Variants in PCDH11X observed in about 807,000 individuals in gnomAD.
PCDH11X encodes the protein protocadherin-11 X-linked.
Under a neutral mutation model 53.3 loss-of-function variants are expected in PCDH11X, and 18 were observed. That is an observed-to-expected ratio of 0.34 (90% CI 0.23 to 0.50). The LOEUF is 0.50. PCDH11X is among the 20% of genes least tolerant of loss of function. PCDH11X has a pLI of 0.98. For synonymous variants in PCDH11X, 279 were observed against 393.3 expected, an observed-to-expected ratio of 0.71 and a Z score of 3.44; for missense variants, 570 against 1,032.4, an observed-to-expected ratio of 0.55 and a Z score of 6.14.
chrX:92,220,714 A>G (rs887545439), intron 7 of PCDH11X, among the ~76,000 whole-genome samples: 23 of 109,826 alleles, frequency 2.1e-4, no homozygotes, highest in Non-Finnish European at 4.4e-4. Flanking sequence ...TACCCAAAGG[A>G]CTATAAATCA....
At chrX:92,095,928 T>A (rs1327240684) in intron 6 of PCDH11X, among the ~76,000 whole-genome samples, 1 of 112,132 alleles carries the variant, frequency 8.9e-6, no homozygotes, top group Admixed American at 9.5e-5. Context: ...ACGAAGAGAA[T>A]CATTGAGCAC....
At chrX:92,486,127 A>G (rs1427796221) in intron 10 of PCDH11X, among the ~76,000 whole-genome samples, 2 of 110,700 alleles carry the variant, frequency 1.8e-5, no homozygotes, top group Admixed American at 1.9e-4. Context: ...ATCTATTTTA[A>G]CTGTTAACTG....
chrX:91,982,859 A>C (rs1348316966), intron 6 of PCDH11X: 1 of 903,046 alleles, frequency 1.1e-6, no homozygotes, highest in African/African-American at 2.0e-5. Flanking sequence ...AACGCGTGTT[A>C]CTGTTTCCTG....
rs753721728 is a variant in PCDH11X at position 92,224,772 on chromosome X, A to C, written c.3114+23317A>C. 5.3e-5 allele frequency among the ~76,000 whole-genome samples: 6 copies of C among 112,474 alleles called. No individual in the cohort carries two copies. The South Asian group carries it at 2.2e-3, about 41-fold the overall frequency. On this transcript the variant is annotated intron_variant, in intron 7 of 10. Transcript: ENST00000682573. Reference sequence around the variant, plus strand: ...TAAATTTAATTTGTCTGAAGCTTTTAACAACTTCTAAAAGGAAATAATTGC... The same window carrying C: ...TAAATTTAATTTGTCTGAAGCTTTTCACAACTTCTAAAAGGAAATAATTGC...
chrX:91,975,504 A>G (rs891677988), intron 6 of PCDH11X, among the ~76,000 whole-genome samples: 2 of 111,185 alleles, frequency 1.8e-5, no homozygotes, highest in Non-Finnish European at 3.8e-5. Flanking sequence ...AGTTGACAGC[A>G]TATGGTTGTT....
intron 6 of PCDH11X, among the ~76,000 whole-genome samples, chrX:91,985,614 A>G (rs1028598643): frequency 1.8e-4 from 20 of 112,654 alleles, no homozygotes; most frequent in African/African-American, 6.1e-4. Flanking sequence ...TGCATTCTTC[A>G]AAGAACATTG....
rs763495458 is a variant in PCDH11X, at chrX:92,137,033, A to G, written c.3034-64342A>G. Among the ~76,000 whole-genome samples, 40 of 98,982 alleles carry G rather than the reference A, an allele frequency of 4.0e-4. 1 individual carries two copies. Among genetic ancestry groups the G allele is most frequent in the African/African-American group, 1.5e-3 (39 of 26,214 alleles). The allele number at this position is 98,982 out of a possible 115,157, so 86.0% of individuals were successfully genotyped here. ...AATCTCATATTGTTGCCCAGGCTGG[A>G]GTGCAGTGGCTATTCAAAGGACCAA... On this transcript the variant is annotated intron_variant, in intron 6 of 10. Transcript: ENST00000682573.
At position 92,334,019 on chromosome X, in the gene PCDH11X, A is replaced by G. The variant is rs750256936; in HGVS notation, c.3145-53716A>G. ...ACATGGGTTTGAACTGTATGGATCCAGTTATACGTTGATTTTTTTCAATGA... is the reference window on the plus strand; with the variant it reads ...ACATGGGTTTGAACTGTATGGATCCGGTTATACGTTGATTTTTTTCAATGA... On this transcript the variant is annotated intron_variant, in intron 8 of 10. Transcript: ENST00000682573. Among the ~76,000 whole-genome samples, 3 of 111,455 alleles carry G rather than the reference A, an allele frequency of 2.7e-5. No individual in the cohort carries two copies. In the South Asian group the frequency reaches 1.1e-3, roughly 42 times the overall value.
At chrX:92,109,007 G>A (rs1266297872) in intron 6 of PCDH11X, among the ~76,000 whole-genome samples, 3 of 111,649 alleles carry the variant, frequency 2.7e-5, no homozygotes, top group African/African-American at 6.5e-5. Context: ...ACTCAGAGCC[G>A]GCTGTGTGGG....
intron 6 of PCDH11X, among the ~76,000 whole-genome samples, chrX:91,889,766 A>C (rs1020992338): frequency 4.6e-5 from 5 of 109,057 alleles, no homozygotes; most frequent in African/African-American, 1.7e-4. Flanking sequence ...CTGACCTGAC[A>C]GAATTATTTG....
intron 9 of PCDH11X, among the ~76,000 whole-genome samples, chrX:92,433,077 G>A (rs1432063983): frequency 1.8e-5 from 2 of 110,524 alleles, no homozygotes; most frequent in Non-Finnish European, 3.8e-5. Flanking sequence ...TTCTGCAATA[G>A]AAAGTGGTGA....
At chrX:92,217,216 T>G (rs1446117146) in intron 7 of PCDH11X, among the ~76,000 whole-genome samples, 1 of 110,927 alleles carries the variant, frequency 9.0e-6, no homozygotes, top group Non-Finnish European at 1.9e-5. Flanking sequence ...TAACTTTAAA[T>G]GTAAATGGAC....
chrX:92,465,232 A>G (rs1198707931), intron 9 of PCDH11X, among the ~76,000 whole-genome samples: 1 of 111,936 alleles, frequency 8.9e-6, no homozygotes, highest in Non-Finnish European at 1.9e-5. Flanking sequence ...TTTTATTTGT[A>G]TTAGGAACTA....
At chrX:92,176,959 T>C (rs1357607976) in intron 6 of PCDH11X, among the ~76,000 whole-genome samples, 6 of 109,151 alleles carry the variant, frequency 5.5e-5, no homozygotes, top group Non-Finnish European at 1.1e-4. Context: ...ACGTAGTTTT[T>C]TTTTTTCTTT....
intron 8 of PCDH11X, among the ~76,000 whole-genome samples, chrX:92,263,862 T>C (rs1290435939): frequency 2.7e-5 from 3 of 112,239 alleles, no homozygotes; most frequent in African/African-American, 9.7e-5. Context: ...AAAATAAAGT[T>C]TTCCAGTTGT....
At chrX:92,545,648 C>A (rs149681860) in intron 10 of PCDH11X, among the ~76,000 whole-genome samples, 5,512 of 110,361 alleles carry the variant, frequency 0.05, 113 homozygotes, top group South Asian at 0.12. Context: ...TGATCCTCCC[C>A]CTTCAGCCTA....
At chrX:91,952,116 A>C (rs1196886637) in intron 6 of PCDH11X, among the ~76,000 whole-genome samples, 4 of 111,378 alleles carry the variant, frequency 3.6e-5, no homozygotes, top group Admixed American at 2.9e-4. Flanking sequence ...GCTTCATGGT[A>C]ATTCACATTG....
At chrX:92,394,264 A>G (rs1376805857) in intron 9 of PCDH11X, among the ~76,000 whole-genome samples, 1 of 111,334 alleles carries the variant, frequency 9.0e-6, no homozygotes, top group Non-Finnish European at 1.9e-5. Flanking sequence ...TGTATCTTTA[A>G]TATCTTAAAT....
chrX:91,850,805 A>G (rs1331904873), intron 5 of PCDH11X, among the ~76,000 whole-genome samples: 14 of 110,311 alleles, frequency 1.3e-4, no homozygotes, highest in Non-Finnish European at 3.8e-5. Flanking sequence ...ATTGGTAAGC[A>G]TTATTCAAAG....
Sources: allele counts gnomAD v4.1 joint callset (sites outside exome capture counted in the v4.1 genomes callset), GRCh38; gene constraint gnomAD v4.1.1; transcripts MANE v1.5; gene names NCBI Gene and HGNC (gene_info 2026-07-23, HGNC 2026-07-21).